Variants in CRYBG3 observed in about 807,000 individuals in gnomAD.
CRYBG3 encodes the protein very large A-kinase anchor protein.
A neutral mutation model predicts 244.2 loss-of-function variants in CRYBG3; 127 were observed. That is an observed-to-expected ratio of 0.52 (90% confidence interval 0.45 to 0.60). CRYBG3 has a LOEUF of 0.60. CRYBG3 is among the 20% of genes least tolerant of loss of function. CRYBG3 has a pLI of 0.00. For missense variants in CRYBG3, 3,325 were observed against 3,442.5 expected, an observed-to-expected ratio of 0.97 and a Z score of 0.85; for synonymous variants, 1,132 against 1,195.8, an observed-to-expected ratio of 0.95 and a Z score of 1.10.
intron 17 of CRYBG3, among the ~76,000 whole-genome samples, chr3:97,925,743 T>C (rs780617515): frequency 6.6e-5 from 10 of 152,086 alleles, no homozygotes; most frequent in Non-Finnish European, 1.2e-4. Flanking sequence ...TGCTATGTTT[T>C]ATTTATTTTA....
Position 97,929,420 on chromosome 3 carries a change from C to T in CRYBG3, c.8242-4274C>T, listed in dbSNP as rs376935270. Among the ~76,000 whole-genome samples, 172 of 151,814 alleles carry T rather than the reference C, an allele frequency of 1.1e-3. 1 individual carries two copies. Among genetic ancestry groups the T allele is most frequent in the African/African-American group, 4.0e-3 (164 of 41,454 alleles). On this transcript the variant is annotated intron_variant, in intron 17 of 21. Transcript: ENST00000389622. Reference sequence around the variant, plus strand: ...TAAAATATTAATAGTTCTTCAGTACCCTTTATTTCCAAAAGATTATTAACC... The same window carrying T: ...TAAAATATTAATAGTTCTTCAGTACTCTTTATTTCCAAAAGATTATTAACC...
At position 97,872,731 on chromosome 3, in the gene CRYBG3, T is replaced by C. The variant is rs754363061; in HGVS notation, c.1537T>C (p.Leu513=). The C allele has an allele frequency of 3.3e-6, 5 of 1,535,948 alleles. No homozygotes were observed. Among genetic ancestry groups the C allele is most frequent in the East Asian group, 2.4e-5 (1 of 40,906 alleles). Residue 513 remains leucine (L), a synonymous_variant, in exon 4 of 22, where the codon TTG becomes CTG. Coordinates refer to ENST00000389622, the MANE Select transcript of CRYBG3 (RefSeq NM_153605.4). ...AGAATTTGTAAATGAAGGAAAGAGA[T>C]TGTCTGCCCAAGACTCACAGAAAAA... The part of the protein sequence containing the change: ...DTEFVNEGKR[L]SAQDSQKNVA...
chr3:97,830,606 T>C (rs2038642091), intron 1 of CRYBG3, among the ~76,000 whole-genome samples: 1 of 152,224 alleles, frequency 6.6e-6, no homozygotes, highest in African/African-American at 2.4e-5. Flanking sequence ...ATTTATAGAC[T>C]CAAAATTACT....
At chr3:97,927,498 C>T (rs1275696961) in intron 17 of CRYBG3, among the ~76,000 whole-genome samples, 5 of 151,984 alleles carry the variant, frequency 3.3e-5, no homozygotes, top group African/African-American at 9.7e-5. Flanking sequence ...CCATTCTGGA[C>T]GTGGGCCCTG....
At chr3:97,870,359 C>T (rs974555075) in intron 3 of CRYBG3, among the ~76,000 whole-genome samples, 4 of 152,098 alleles carry the variant, frequency 2.6e-5, no homozygotes, top group South Asian at 2.1e-4. Flanking sequence ...GTGTACTCAA[C>T]GTTTACCTTC....
rs2039198814 is a variant in CRYBG3, at chr3:97,864,612, A to G, written c.612A>G (p.Thr204=). 2 of 1,529,786 alleles carry G rather than the reference A, an allele frequency of 1.3e-6. No homozygotes were observed. The highest frequency in any genetic ancestry group is 1.7e-6 in the Non-Finnish European group (2 of 1,143,846). The allele number at this position is 1,529,786 out of a possible 1,614,324, so 94.8% of individuals were successfully genotyped here. ...ELSDAFSLDT[T]QDSDQETTNL... The stretch of plus-strand genomic sequence containing the variant: ...CAGATGCTTTTTCTTTGGATACAAC[A>G]CAAGACAGTGACCAAGAAACCACTA... Residue 204 remains threonine, a synonymous_variant, in exon 3 of 22, where the codon ACA becomes ACG. Transcript: ENST00000389622.
chr3:97,881,360 G>A, intron 7 of CRYBG3, 141 bp downstream of exon 7: 1 of 549,386 alleles, frequency 1.8e-6, no homozygotes, highest in Non-Finnish European at 3.1e-6. Flanking sequence ...ATAATCTTTT[G>A]AATTTATGCA....
At position 97,862,295 on chromosome 3, in the gene CRYBG3, G is replaced by A. The variant is rs1576528296; in HGVS notation, c.217-1922G>A. On this transcript the variant is annotated intron_variant, in intron 2 of 21. Transcript: ENST00000389622. ...TAATGATGTTAAAAGTGGTAATCTT[G>A]TTCATTTTCTTCTTTTAAATCATTG... 2.6e-5 allele frequency among the ~76,000 whole-genome samples: 4 copies of A among 152,114 alleles called. No individual in the cohort carries two copies. The South Asian group carries it at 8.3e-4, about 32-fold the overall frequency.
rs1210014710 is a variant in CRYBG3, at chr3:97,874,217, C to G, written c.3023C>G (p.Pro1008Arg). ...ACTGGCAGCATGAAAGTAAATTCACCTTTTCTGGATTCTGATTCCAGTTTG... is the reference window on the plus strand; with the variant it reads ...ACTGGCAGCATGAAAGTAAATTCACGTTTTCTGGATTCTGATTCCAGTTTG... Reference protein sequence around the residue: ...QETGSMKVNSPFLDSDSSLEK... With the variant: ...QETGSMKVNSRFLDSDSSLEK... The change falls in exon 4 of 22, where the codon CCT becomes CGT. Residue 1008 changes from proline to arginine, a missense_variant. Pro to Arg is a moderately radical substitution (Grantham distance 103, BLOSUM62 -2). Around this residue, in one of 4 missense-constraint regions of CRYBG3, gnomAD observed 1,526 missense variants for 1,443.2 expected, o/e 1.06. Coordinates refer to ENST00000389622, the MANE Select transcript of CRYBG3 (RefSeq NM_153605.4). The G allele has an allele frequency of 1.3e-6, 2 of 1,534,340 alleles. No individual in the cohort carries two copies. Among genetic ancestry groups the G allele is most frequent in the Non-Finnish European group, 1.7e-6 (2 of 1,146,478 alleles).
In CRYBG3 at chr3:97,924,466, T is replaced by C. The variant is rs2040017695; in HGVS notation, c.8241+8730T>C. 7 of 437,522 alleles carry C rather than the reference T, an allele frequency of 1.6e-5. No individual in the cohort carries two copies. The Admixed American group carries it at 1.8e-4, about 12-fold the overall frequency. 27.1% of individuals were successfully genotyped at this position (437,522 alleles called of 1,614,324 possible). On this transcript the variant is annotated intron_variant, in intron 17 of 21. Transcript: ENST00000389622. ...GCTGATGTAACAAATTACTGTAAAC[T>C]TAGTAGCTTAAGATGACAGATATTT...
At chr3:97,890,842 C>T (rs2039568033) in intron 10 of CRYBG3, among the ~76,000 whole-genome samples, 1 of 152,108 alleles carries the variant, frequency 6.6e-6, no homozygotes, top group South Asian at 2.1e-4. Flanking sequence ...ATCACTTCCT[C>T]ATACTTAATG....
Position 97,871,985 on chromosome 3 carries a change from G to T in CRYBG3, c.791G>T (p.Ser264Ile). 2 of 1,535,858 alleles carry T rather than the reference G, an allele frequency of 1.3e-6. No individual in the cohort carries two copies. Among genetic ancestry groups the T allele is most frequent in the East Asian group, 4.9e-5 (2 of 40,912 alleles). ...AGAGAAAATGAAAGTTCTGACTCTA[G>T]TACAAACAGACACATTGACCCTGGA... The part of the protein sequence containing the change: ...LDRENESSDS[S>I]TNRHIDPGSE... Residue 264 changes from serine to isoleucine, a missense_variant, in exon 4 of 22, where the codon AGT (serine) becomes ATT (isoleucine). By Grantham distance (142) the Ser-to-Ile change is moderately radical. Around this residue, in one of 4 missense-constraint regions of CRYBG3, gnomAD observed 1,526 missense variants for 1,443.2 expected, o/e 1.06. Transcript: ENST00000389622.
At chr3:97,853,851 C>CAT (rs59624555) in intron 2 of CRYBG3, among the ~76,000 whole-genome samples, 115,361 of 151,808 alleles carry the variant, frequency 0.76, 44,466 homozygotes, top group East Asian at 0.85. Context: ...CATTTTTTCA[C>CAT]GTTTTTGTTA....
intron 17 of CRYBG3, among the ~76,000 whole-genome samples, chr3:97,930,225 A>G (rs2040083197): frequency 6.6e-6 from 1 of 151,980 alleles, no homozygotes; most frequent in Admixed American, 6.6e-5. Context: ...CTGATTGTTG[A>G]CTTGGAGCAC....
chr3:97,910,169 T>A (rs1291837308), intron 15 of CRYBG3, among the ~76,000 whole-genome samples: 6 of 151,430 alleles, frequency 4.0e-5, no homozygotes, highest in African/African-American at 1.5e-4. Flanking sequence ...GACAGGGACA[T>A]TTAAGTCTGC....
At position 97,874,841 on chromosome 3, in the gene CRYBG3, A is replaced by C; in HGVS notation, c.3647A>C (p.Lys1216Thr). Residue 1216 changes from lysine (K) to threonine (T), a missense_variant, in exon 4 of 22, where the codon AAA becomes ACA. Physicochemically the swap from Lys to Thr is moderately conservative, Grantham distance 78 (BLOSUM62 -1). Transcript: ENST00000389622. ...EIFNSVREEL[K>T]FKHTVSTCQE... ...TTTAATTCTGTCAGGGAAGAACTAA[A>C]ATTCAAACACACAGTGAGTACCTGC... The C allele has an allele frequency of 7.2e-6, 11 of 1,535,944 alleles. No homozygotes were observed. The highest frequency in any genetic ancestry group is 9.6e-6 in the Non-Finnish European group (11 of 1,146,834).
intron 2 of CRYBG3, among the ~76,000 whole-genome samples, chr3:97,860,713 C>A (rs1281160842): frequency 6.6e-6 from 1 of 152,078 alleles, no homozygotes; most frequent in Non-Finnish European, 1.5e-5. Context: ...TTCTTTGTTT[C>A]TTTGGAGATC....
chr3:97,883,875 C>T (rs541536442), intron 7 of CRYBG3, among the ~76,000 whole-genome samples: 3 of 152,242 alleles, frequency 2.0e-5, no homozygotes, highest in African/African-American at 7.2e-5. Context: ...TCACTTCTCC[C>T]TATTCTATGC....
At chr3:97,892,292 G>C (rs185436184) in intron 10 of CRYBG3, among the ~76,000 whole-genome samples, 7 of 152,228 alleles carry the variant, frequency 4.6e-5, no homozygotes, top group African/African-American at 1.7e-4. Flanking sequence ...TGTGGTGTTG[G>C]CTATTGTTTC....
Sources: allele counts gnomAD v4.1 joint callset (sites outside exome capture counted in the v4.1 genomes callset), GRCh38; gene constraint gnomAD v4.1.1; regional missense constraint gnomAD v4.1.1; transcripts MANE v1.5; gene names NCBI Gene and HGNC (gene_info 2026-07-23, HGNC 2026-07-21).